The following PAK3 variants were observed in gnomAD, a reference collection of about 807,000 sequenced individuals.
The protein encoded by PAK3 is serine/threonine-protein kinase PAK 3.
Under a neutral mutation model 41.0 loss-of-function variants are expected in PAK3, and 4 were observed. The ratio of observed to expected loss-of-function variants is 0.10; its 90% CI spans 0.05 to 0.22. PAK3 has a LOEUF of 0.22. Ranked by LOEUF, PAK3 falls within the 10% of genes least tolerant of loss-of-function variation. PAK3 has a pLI of 1.00. For synonymous variants in PAK3, 146 were observed against 139.6 expected (o/e 1.05, Z -0.32); for missense variants, 205 against 409.9 (o/e 0.50, Z 4.32).
At chrX:111,043,716 T>C (rs2092472761) in intron 1 of PAK3, among the ~76,000 whole-genome samples, 1 of 112,158 alleles carries the variant, frequency 8.9e-6, no homozygotes, top group African/African-American at 3.2e-5. Context: ...CTAGACAGTA[T>C]AAATGCAATC....
intron 16 of PAK3, among the ~76,000 whole-genome samples, chrX:111,214,351 C>T (rs1391614251): frequency 1.8e-5 from 2 of 111,386 alleles, no homozygotes; most frequent in East Asian, 5.6e-4. Flanking sequence ...AATATTGGCA[C>T]CTAGGTTCTG....
At chrX:111,068,876 G>A (rs1342034743) in intron 1 of PAK3, among the ~76,000 whole-genome samples, 7 of 111,988 alleles carry the variant, frequency 6.3e-5, no homozygotes, top group Admixed American at 9.5e-5. Context: ...TATATATTGC[G>A]TTGAGCTTGT....
chrX:111,086,333 G>C (rs1006779403), intron 1 of PAK3, among the ~76,000 whole-genome samples: 2 of 111,013 alleles, frequency 1.8e-5, no homozygotes, highest in Non-Finnish European at 3.8e-5. Flanking sequence ...CTAGGGTTGG[G>C]GGAAGAATGA....
At chrX:110,976,443 A>AT (rs751530048) in intron 1 of PAK3, among the ~76,000 whole-genome samples, 119 of 112,448 alleles carry the variant, frequency 1.1e-3, no homozygotes, top group African/African-American at 3.7e-3. Flanking sequence ...GGCAATCATT[A>AT]AAAAGTCAGG....
intron 10 of PAK3, among the ~76,000 whole-genome samples, chrX:111,170,359 C>G (rs1470541000): frequency 9.2e-6 from 1 of 108,509 alleles, no homozygotes; most frequent in Non-Finnish European, 1.9e-5. Context: ...AGTGAACTTT[C>G]ATTAAAAAAA....
chrX:111,066,073 T>C (rs987968536), intron 1 of PAK3, among the ~76,000 whole-genome samples: 1 of 112,192 alleles, frequency 8.9e-6, no homozygotes, highest in Non-Finnish European at 1.9e-5. Context: ...TGATTTTATT[T>C]ATTTCTTTTC....
intron 1 of PAK3, among the ~76,000 whole-genome samples, chrX:110,956,458 GC>G (rs1282563659): frequency 9.0e-6 from 1 of 111,118 alleles, no homozygotes; most frequent in Non-Finnish European, 1.9e-5. Context: ...TATTTCTGGT[GC>G]CTGTGATGTA....
At chrX:111,148,199 T>C (rs1430205246) in intron 7 of PAK3, among the ~76,000 whole-genome samples, 1 of 112,042 alleles carries the variant, frequency 8.9e-6, no homozygotes, top group Non-Finnish European at 1.9e-5. Context: ...CTTTGTTATA[T>C]GTTCATGAAG....
intron 1 of PAK3, among the ~76,000 whole-genome samples, chrX:111,002,345 GA>G (rs1329800411): frequency 8.9e-6 from 1 of 111,962 alleles, no homozygotes; most frequent in Non-Finnish European, 1.9e-5. Flanking sequence ...ATATGCAGGA[GA>G]TTGGCTCTAG....
At chrX:111,042,958 G>A (rs1262446606) in intron 1 of PAK3, among the ~76,000 whole-genome samples, 2 of 111,735 alleles carry the variant, frequency 1.8e-5, no homozygotes, top group Non-Finnish European at 3.8e-5. Flanking sequence ...TCACTCACGG[G>A]ACAGCCAGAC....
chrX:111,090,754 G>T (rs1040438270), intron 1 of PAK3, among the ~76,000 whole-genome samples: 1 of 112,055 alleles, frequency 8.9e-6, no homozygotes, highest in Non-Finnish European at 1.9e-5. Context: ...TGACATCATA[G>T]TCCAGCCGGT....
At chrX:111,009,020 G>A (rs747683033) in intron 1 of PAK3, among the ~76,000 whole-genome samples, 3 of 109,595 alleles carry the variant, frequency 2.7e-5, no homozygotes, top group South Asian at 4.0e-4. Context: ...GCCCCTGAGG[G>A]TTTTTTTTTA....
At chrX:111,170,470 A>G (rs1249091764) in intron 10 of PAK3, among the ~76,000 whole-genome samples, 2 of 111,307 alleles carry the variant, frequency 1.8e-5, no homozygotes, top group East Asian at 2.8e-4. Context: ...TATGTTGTAT[A>G]CTAGCCCAGA....
intron 6 of PAK3, chrX:111,146,599 A>G: frequency 1.1e-6 from 1 of 937,851 alleles, no homozygotes; most frequent in Non-Finnish European, 1.5e-6. Flanking sequence ...CTTGCATCAA[A>G]GTGCTTCTTT....
At chrX:111,173,726 C>A (rs1234614146) in intron 11 of PAK3, among the ~76,000 whole-genome samples, 1 of 111,455 alleles carries the variant, frequency 9.0e-6, no homozygotes, top group East Asian at 2.8e-4. Context: ...TCCTGATAAT[C>A]AGCAATACAT....
intron 1 of PAK3, among the ~76,000 whole-genome samples, chrX:110,949,482 C>T (rs759363524): frequency 8.9e-6 from 1 of 111,751 alleles, no homozygotes; most frequent in South Asian, 3.8e-4. Flanking sequence ...ATGCACTCCC[C>T]AGAGAAGGCC....
At chrX:111,164,080 C>A (rs769270546) in intron 10 of PAK3, among the ~76,000 whole-genome samples, 1 of 111,527 alleles carries the variant, frequency 9.0e-6, no homozygotes, top group Non-Finnish European at 1.9e-5. Flanking sequence ...ATAGATATGT[C>A]AACCTCAAAG....
At chrX:111,069,312 G>T (rs1304870066) in intron 1 of PAK3, among the ~76,000 whole-genome samples, 3 of 111,355 alleles carry the variant, frequency 2.7e-5, no homozygotes, top group African/African-American at 6.5e-5. Flanking sequence ...TATCCCATAG[G>T]TTGTGTGGCA....
intron 1 of PAK3, among the ~76,000 whole-genome samples, chrX:111,038,655 A>G (rs1332700794): frequency 1.1e-4 from 12 of 112,129 alleles, no homozygotes; most frequent in Non-Finnish European, 1.9e-4. Context: ...TCTGTCATTT[A>G]CTAGCTGTGT....
Sources: gnomAD v4.1 joint callset for allele counts (sites outside exome capture counted in the v4.1 genomes callset) on GRCh38, gnomAD v4.1.1 for gene constraint, MANE v1.5 for transcripts, NCBI Gene and HGNC (gene_info 2026-07-23, HGNC 2026-07-21) for gene names.